Variants in XKR6 observed in about 807,000 individuals in gnomAD.
XKR6 encodes the protein XK related 6.
A neutral mutation model predicts 56.7 loss-of-function variants in XKR6; 22 were observed. The ratio of observed to expected loss-of-function variants is 0.39; its 90% confidence interval spans 0.28 to 0.55. The LOEUF is 0.55. XKR6 is among the 20% of genes least tolerant of loss of function. XKR6 has a pLI of 0.66. For synonymous variants in XKR6, 524 were observed against 387.8 expected (o/e 1.35, Z -4.13); for missense variants, 852 against 889.0 (o/e 0.96, Z 0.53).
rs558927631 is a variant in XKR6 at position 11,062,649 on chromosome 8, T to G, written c.765-137819A>C. 207 of 422,626 alleles carry G rather than the reference T, an allele frequency of 4.9e-4. 4 individuals carry two copies. The highest frequency in any genetic ancestry group is 3.4e-3 in the South Asian group (198 of 57,834). The allele number at this position is 422,626 out of a possible 1,614,324, so 26.2% of individuals were successfully genotyped here. A position where few individuals can be genotyped will look rare whatever the true frequency, so the allele number is the denominator to read the frequency against. On this transcript the variant is annotated intron_variant, in intron 1 of 2. Coordinates refer to ENST00000416569, the MANE Select transcript of XKR6 (RefSeq NM_173683.4). ...CTTTTAAAAGCAAAGAATCCCACAA[T>G]AGTAAACATAATTACTCTTTAATGT...
chr8:11,001,616 G>A (rs1441496513), intron 1 of XKR6, among the ~76,000 whole-genome samples: 2 of 152,234 alleles, frequency 1.3e-5, no homozygotes, highest in Non-Finnish European at 2.9e-5. Context: ...CTACCCAAGA[G>A]TCAGCAGGGC....
chr8:10,928,451 C>A (rs1800960740), intron 1 of XKR6, among the ~76,000 whole-genome samples: 1 of 152,250 alleles, frequency 6.6e-6, no homozygotes, highest in African/African-American at 2.4e-5. Context: ...AAGCCATGTC[C>A]CCCCTAAACC....
chr8:11,060,673 A>C (rs956655877), intron 1 of XKR6, among the ~76,000 whole-genome samples: 1 of 152,212 alleles, frequency 6.6e-6, no homozygotes, highest in Non-Finnish European at 1.5e-5. Context: ...AGGGAAGACA[A>C]AGTGGACAGG....
intron 1 of XKR6, among the ~76,000 whole-genome samples, chr8:10,958,118 A>C (rs1801953022): frequency 6.6e-6 from 1 of 152,182 alleles, no homozygotes; most frequent in South Asian, 2.1e-4. Context: ...CAGACTGGAA[A>C]ATCTGAACAG....
chr8:10,979,680 A>G (rs34738102), intron 1 of XKR6, among the ~76,000 whole-genome samples: 71,997 of 152,066 alleles, frequency 0.47, 17,885 homozygotes, highest in African/African-American at 0.54. Flanking sequence ...TCCCTTGTGG[A>G]CAAGTCAGGC....
chr8:11,006,488 G>A (rs1271893462), intron 1 of XKR6, among the ~76,000 whole-genome samples: 1 of 152,220 alleles, frequency 6.6e-6, no homozygotes, highest in Non-Finnish European at 1.5e-5. Flanking sequence ...CTGTGAGGAT[G>A]TATATTCTAT....
At chr8:11,148,188 C>T (rs982970480) in intron 1 of XKR6, among the ~76,000 whole-genome samples, 10 of 151,818 alleles carry the variant, frequency 6.6e-5, no homozygotes, top group South Asian at 4.2e-4. Context: ...CCAGCCTGGG[C>T]GACAGAGCAA....
chr8:11,116,797 T>C (rs1586567279), intron 1 of XKR6, among the ~76,000 whole-genome samples: 1 of 152,120 alleles, frequency 6.6e-6, no homozygotes, highest in Admixed American at 6.6e-5. Flanking sequence ...CATTTCCCCC[T>C]TTTTCCTTCA....
intron 2 of XKR6, among the ~76,000 whole-genome samples, chr8:10,907,490 A>T (rs542500595): frequency 5.6e-4 from 86 of 152,288 alleles, no homozygotes; most frequent in African/African-American, 2.1e-3. Context: ...TGTTAACTCA[A>T]TTATTCTTCC....
chr8:11,035,342 A>G, intron 1 of XKR6: 1 of 534,650 alleles, frequency 1.9e-6, no homozygotes, highest in Non-Finnish European at 3.8e-6. Flanking sequence ...CCCACTGGCC[A>G]TGCAGGAGCC....
At chr8:11,005,361 G>C (rs1005411216) in intron 1 of XKR6, among the ~76,000 whole-genome samples, 2 of 148,784 alleles carry the variant, frequency 1.3e-5, no homozygotes, top group Non-Finnish European at 2.9e-5. Flanking sequence ...GACTGTAGTA[G>C]ATATAGATAT....
chr8:11,025,083 C>T (rs1033380600), intron 1 of XKR6, among the ~76,000 whole-genome samples: 1 of 152,180 alleles, frequency 6.6e-6, no homozygotes, highest in Non-Finnish European at 1.5e-5. Flanking sequence ...TTCTACGAGG[C>T]CTTGGAGCCG....
intron 1 of XKR6, among the ~76,000 whole-genome samples, chr8:10,958,027 A>C (rs1801950036): frequency 6.6e-6 from 1 of 152,244 alleles, no homozygotes; most frequent in Admixed American, 6.5e-5. Flanking sequence ...TGATCTGGAA[A>C]GTGGCTTGGC....
rs546618098 is a variant in XKR6, at chr8:11,004,057, G to T, written c.765-79227C>A. Among the ~76,000 whole-genome samples, 3 of 152,308 alleles carry T rather than the reference G, an allele frequency of 2.0e-5. No homozygotes were observed. The East Asian group carries it at 5.8e-4, about 29-fold the overall frequency. On this transcript the variant is annotated intron_variant, in intron 1 of 2. Transcript: ENST00000416569. Reference sequence around the variant, plus strand: ...TGAGTGAGCAGAGCAGCGACAGCAGGACTAGAACATGAGGACCTTGTCCAC... The same window carrying T: ...TGAGTGAGCAGAGCAGCGACAGCAGTACTAGAACATGAGGACCTTGTCCAC...
At chr8:11,118,312 G>A (rs562919123) in intron 1 of XKR6, among the ~76,000 whole-genome samples, 43 of 152,322 alleles carry the variant, frequency 2.8e-4, no homozygotes, top group Admixed American at 1.3e-3. Context: ...TCTGGATGAT[G>A]CTGGCCTCAT....
intron 1 of XKR6, among the ~76,000 whole-genome samples, chr8:11,174,255 T>C (rs1187421754): frequency 6.6e-6 from 1 of 152,158 alleles, no homozygotes; most frequent in Non-Finnish European, 1.5e-5. Flanking sequence ...AAACCCTTCC[T>C]CTCAAGCAGT....
chr8:11,026,964 C>CTAGCCTACTACACACTTA (rs1563354262), intron 1 of XKR6, among the ~76,000 whole-genome samples: 1 of 149,540 alleles, frequency 6.7e-6, no homozygotes, highest in Non-Finnish European at 1.5e-5. Context: ...CTACACACTT[C>CTAGCCTACTACACACTTA]GATGGTGTTG....
chr8:11,085,478 GT>G lies in XKR6; in HGVS notation c.764+115097del, dbSNP rs1797856476. Among the ~76,000 whole-genome samples, 3 of 152,276 alleles carry G rather than the reference GT, an allele frequency of 2.0e-5. No homozygotes were observed. The South Asian group carries it at 6.2e-4, about 32-fold the overall frequency. Reference sequence around the variant, plus strand: ...TGTGTATGTATGTGCATGTGTGTGTGTGTGCATGTCTGTGCTTGTGCATGCG... The same window carrying G: ...TGTGTATGTATGTGCATGTGTGTGTGGTGCATGTCTGTGCTTGTGCATGCG... On this transcript the variant is annotated intron_variant, in intron 1 of 2. Transcript: ENST00000416569.
chr8:11,178,090 G>C (rs576851359), intron 1 of XKR6, among the ~76,000 whole-genome samples: 1 of 152,110 alleles, frequency 6.6e-6, no homozygotes, highest in African/African-American at 2.4e-5. Flanking sequence ...TAGGAGCCGG[G>C]CCTTCCAAAC....
Sources: allele counts gnomAD v4.1 joint callset (sites outside exome capture counted in the v4.1 genomes callset), GRCh38; gene constraint gnomAD v4.1.1; transcripts MANE v1.5; gene names NCBI Gene and HGNC (gene_info 2026-07-23, HGNC 2026-07-21).